Variants in MYO16 observed in about 807,000 individuals in gnomAD.
MYO16 encodes myosin XVI.
MYO16 carries 94 observed loss-of-function variants against 205.3 expected under a neutral mutation model. The observed-to-expected ratio is 0.46, with a 90% CI of 0.39 to 0.54. MYO16 has a LOEUF of 0.54. MYO16 is among the 20% of genes least tolerant of loss of function. The pLI is 0.00. For missense variants in MYO16, 2,315 were observed against 2,387.5 expected (o/e 0.97, Z 0.63); for synonymous variants, 988 against 954.0 (o/e 1.04, Z -0.66).
At chr13:108,598,031 C>T (rs982186703) in intron 1 of MYO16, among the ~76,000 whole-genome samples, 1 of 152,224 alleles carries the variant, frequency 6.6e-6, no homozygotes, top group African/African-American at 2.4e-5. Context: ...GGCTGCTCCA[C>T]TGCTGAAAAT....
chr13:108,927,450 C>T (rs1159611226), intron 16 of MYO16, among the ~76,000 whole-genome samples: 2 of 152,140 alleles, frequency 1.3e-5, no homozygotes, highest in Admixed American at 1.3e-4. Flanking sequence ...CCTTGATTCT[C>T]ACATGCCCTG....
chr13:109,056,611 C>T (rs1474981618), intron 27 of MYO16, among the ~76,000 whole-genome samples: 1 of 152,028 alleles, frequency 6.6e-6, no homozygotes, highest in Non-Finnish European at 1.5e-5. Flanking sequence ...AATGGCCATT[C>T]AGTGCTTGTA....
chr13:109,157,149 G>T (rs760734462), intron 32 of MYO16, among the ~76,000 whole-genome samples: 19 of 141,746 alleles, frequency 1.3e-4, no homozygotes, highest in Middle Eastern at 4.2e-3. Flanking sequence ...TCCTCCTTCT[G>T]CTTCCCCAGC....
chr13:108,875,731 A>G (rs1879291617), intron 12 of MYO16, among the ~76,000 whole-genome samples: 1 of 152,118 alleles, frequency 6.6e-6, no homozygotes, highest in African/African-American at 2.4e-5. Context: ...GGGTTTTTAA[A>G]TTGAAAACCC....
chr13:109,177,957 A>G (rs1408934515), intron 33 of MYO16, among the ~76,000 whole-genome samples: 2 of 152,166 alleles, frequency 1.3e-5, no homozygotes, highest in East Asian at 3.8e-4. Context: ...TTGCTTATCA[A>G]TCAGCCCCTT....
chr13:108,923,636 A>G lies in MYO16; in HGVS notation c.1925+13486A>G, dbSNP rs148958852. On this transcript the variant is annotated intron_variant, in intron 16 of 34. Transcript: ENST00000457511. ...TCGCCTTCCTGCTTTCACTGCCCCAATGCGGCCGGGGTGTTTGGGTCCGGA... is the reference window on the plus strand; with the variant it reads ...TCGCCTTCCTGCTTTCACTGCCCCAGTGCGGCCGGGGTGTTTGGGTCCGGA... Among the ~76,000 whole-genome samples the G allele has an allele frequency of 7.4e-3, 1,126 of 152,308 alleles. 10 individuals are homozygous for G. Among genetic ancestry groups the G allele is most frequent in the African/African-American group, 0.026 (1,084 of 41,568 alleles).
upstream of MYO16, among the ~76,000 whole-genome samples, chr13:108,626,738 AG>A (rs1420123927): frequency 1.3e-5 from 2 of 151,704 alleles, no homozygotes; most frequent in Non-Finnish European, 1.5e-5. Flanking sequence ...CGGGAGGCAG[AG>A]GGTTGCAGTG....
At chr13:108,657,668 T>C (rs1881305169) in intron 1 of MYO16, among the ~76,000 whole-genome samples, 1 of 152,234 alleles carries the variant, frequency 6.6e-6, no homozygotes, top group African/African-American at 2.4e-5. Context: ...TCTCTTCTTC[T>C]GTGTGTATTT....
intron 2 of MYO16, among the ~76,000 whole-genome samples, chr13:108,688,252 T>C (rs1882758637): frequency 6.6e-6 from 1 of 152,118 alleles, no homozygotes; most frequent in South Asian, 2.1e-4. Context: ...TGTAGCTCCA[T>C]GCAAGGAAAC....
intron 32 of MYO16, among the ~76,000 whole-genome samples, chr13:109,151,432 A>C (rs2139835428): frequency 6.6e-6 from 1 of 152,362 alleles, no homozygotes; most frequent in South Asian, 2.1e-4. Context: ...CAAATGACTA[A>C]GTTCTAAACT....
At chr13:109,049,596 A>G (rs1338825633) in intron 24 of MYO16, among the ~76,000 whole-genome samples, 1 of 151,722 alleles carries the variant, frequency 6.6e-6, no homozygotes, top group Non-Finnish European at 1.5e-5. Flanking sequence ...TTTTTTTTGT[A>G]CTACCCACCT....
chr13:108,902,645 C>T (rs891705029), intron 15 of MYO16, among the ~76,000 whole-genome samples: 1 of 152,312 alleles, frequency 6.6e-6, no homozygotes, highest in East Asian at 1.9e-4. Context: ...ATGGTTGCTG[C>T]TGATCTTTAG....
intron 16 of MYO16, among the ~76,000 whole-genome samples, chr13:108,953,752 T>C (rs541624803): frequency 2.0e-5 from 3 of 152,320 alleles, no homozygotes; most frequent in African/African-American, 7.2e-5. Context: ...GTTTTTTTAA[T>C]TCCCATTTTA....
At chr13:108,792,083 A>G (rs1886633346) in intron 5 of MYO16, among the ~76,000 whole-genome samples, 1 of 152,166 alleles carries the variant, frequency 6.6e-6, no homozygotes, top group Non-Finnish European at 1.5e-5. Context: ...TTTGTTCAGG[A>G]ACCAATGCTA....
At chr13:109,185,947 AC>A (rs1879668720) in intron 34 of MYO16, among the ~76,000 whole-genome samples, 1 of 152,124 alleles carries the variant, frequency 6.6e-6, no homozygotes, top group African/African-American at 2.4e-5. Context: ...CTGTGGTGGG[AC>A]TTTTTTTTCC....
intron 32 of MYO16, among the ~76,000 whole-genome samples, chr13:109,154,702 C>G (rs1877890980): frequency 6.6e-6 from 1 of 151,908 alleles, no homozygotes; most frequent in Non-Finnish European, 1.5e-5. Context: ...CCATTTCCCT[C>G]CAGGAAAACA....
intron 20 of MYO16, among the ~76,000 whole-genome samples, chr13:108,981,508 A>G (rs569093051): frequency 2.6e-5 from 4 of 152,342 alleles, no homozygotes; most frequent in Non-Finnish European, 4.4e-5. Context: ...TACAACTGCA[A>G]TGATGGTGTG....
chr13:108,716,937 G>C (rs534132473), intron 3 of MYO16, among the ~76,000 whole-genome samples: 1 of 152,104 alleles, frequency 6.6e-6, no homozygotes, highest in Non-Finnish European at 1.5e-5. Flanking sequence ...TTTATTGAAT[G>C]CATGTGTTAA....
At chr13:108,752,631 C>CT (rs201506663) in intron 4 of MYO16, among the ~76,000 whole-genome samples, 18 of 146,020 alleles carry the variant, frequency 1.2e-4, no homozygotes, top group South Asian at 1.1e-3. Context: ...ATGGCCTTTA[C>CT]TTTTTTTTTT....
Sources: gnomAD v4.1 joint callset for allele counts (sites outside exome capture counted in the v4.1 genomes callset) on GRCh38, gnomAD v4.1.1 for gene constraint, MANE v1.5 for transcripts, NCBI Gene and HGNC (gene_info 2026-07-23, HGNC 2026-07-21) for gene names.